The following PRKAR1A variants were observed in gnomAD, a reference collection of about 807,000 sequenced individuals.
PRKAR1A encodes protein kinase cAMP-dependent type I regulatory subunit alpha.
A neutral mutation model predicts 52.0 loss-of-function variants in PRKAR1A; 3 were observed. That is an observed-to-expected ratio of 0.06 (90% CI 0.03 to 0.15). PRKAR1A has a LOEUF of 0.15. PRKAR1A is among the 10% of genes least tolerant of loss of function. The pLI is 1.00. For synonymous variants in PRKAR1A, 188 were observed against 168.4 expected, an observed-to-expected ratio of 1.12 and a Z score of -0.90; for missense variants, 240 against 477.4, an observed-to-expected ratio of 0.50 and a Z score of 4.63.
the PRKAR1A span, among the ~76,000 whole-genome samples, chr17:68,439,818 A>C: frequency 1.3e-5 from 2 of 152,132 alleles, no homozygotes; most frequent in African/African-American, 4.8e-5. Context: ...CGTGATATAG[A>C]GGTCTTTCCA....
chr17:68,497,358 G>GA, the PRKAR1A span, among the ~76,000 whole-genome samples: 5 of 151,838 alleles, frequency 3.3e-5, no homozygotes, highest in Admixed American at 1.3e-4. Context: ...ACCGTTGACA[G>GA]AAAAAAAATT....
At chr17:68,452,390 C>A in the PRKAR1A span, among the ~76,000 whole-genome samples, 1 of 152,154 alleles carries the variant, frequency 6.6e-6, no homozygotes, top group Non-Finnish European at 1.5e-5. Context: ...CGTGGTGAAA[C>A]CCCGTCTCTA....
chr17:68,543,254 A>G (rs973138960), intron 11 of PRKAR1A, among the ~76,000 whole-genome samples: 6 of 151,984 alleles, frequency 3.9e-5, no homozygotes, highest in Non-Finnish European at 5.9e-5. Flanking sequence ...CTGAGCAAAT[A>G]GAGGGAGTGG....
the PRKAR1A span, chr17:68,426,170 A>T: frequency 6.2e-7 from 1 of 1,603,148 alleles, no homozygotes; most frequent in Non-Finnish European, 8.5e-7. Context: ...CCGTCCTCAG[A>T]ATAACCTGGA....
chr17:68,478,608 A>ATG, the PRKAR1A span, among the ~76,000 whole-genome samples: 25,465 of 150,956 alleles, frequency 0.17, 2,191 homozygotes, highest in South Asian at 0.21. Flanking sequence ...ATTTAGAAAT[A>ATG]TGTGTGTGTG....
the PRKAR1A span, among the ~76,000 whole-genome samples, chr17:68,493,478 A>T: frequency 6.6e-6 from 1 of 152,126 alleles, no homozygotes; most frequent in Admixed American, 6.6e-5. Context: ...ACGTGTTCTT[A>T]CTTTTTTGCA....
chr17:68,513,917 A>C (rs944819089), intron 1 of PRKAR1A, among the ~76,000 whole-genome samples: 4 of 152,246 alleles, frequency 2.6e-5, no homozygotes, highest in African/African-American at 7.2e-5. Flanking sequence ...GCTTTGAAGC[A>C]TGAAAGATCT....
intron 11 of PRKAR1A, chr17:68,541,030 C>T: frequency 6.5e-7 from 1 of 1,545,504 alleles, no homozygotes; most frequent in Non-Finnish European, 8.7e-7. Context: ...CCCACACCTC[C>T]CCCTGCCCCC....
chr17:68,428,854 C>T, the PRKAR1A span: 1 of 1,613,942 alleles, frequency 6.2e-7, no homozygotes, highest in Non-Finnish European at 8.5e-7. Flanking sequence ...AAGACACACT[C>T]TCCTCCATCC....
chr17:68,431,380 G>A, the PRKAR1A span, among the ~76,000 whole-genome samples: 2 of 152,058 alleles, frequency 1.3e-5, no homozygotes, highest in African/African-American at 4.8e-5. Flanking sequence ...ATGGAGCCCG[G>A]CACGTGGCGC....
At chr17:68,548,723 A>ATT (rs200833117) in intron 11 of PRKAR1A, among the ~76,000 whole-genome samples, 8,445 of 116,850 alleles carry the variant, frequency 0.072, 591 homozygotes, top group Non-Finnish European at 0.11. Flanking sequence ...CTATGCCTGT[A>ATT]TATTTTTTTT....
chr17:68,489,186 GTATATATATATATATA>G, the PRKAR1A span, among the ~76,000 whole-genome samples: 432 of 11,096 alleles, frequency 0.039, 33 homozygotes, highest in African/African-American at 0.12. Context: ...ATCTTGGAAA[GTATATATATATATATA>G]TATATATATA....
chr17:68,542,205 C>A (rs1216392532), intron 11 of PRKAR1A: 1 of 1,608,868 alleles, frequency 6.2e-7, no homozygotes, highest in Non-Finnish European at 8.5e-7. Flanking sequence ...AAGTGGAGGG[C>A]TCTGGAGGCA....
chr17:68,457,379 A>G, the PRKAR1A span: 2 of 1,538,744 alleles, frequency 1.3e-6, no homozygotes, highest in Non-Finnish European at 1.7e-6. Flanking sequence ...CTGAGCGCCG[A>G]CTCAACCCCG....
At chr17:68,518,568 A>T (rs958848637) in intron 2 of PRKAR1A, among the ~76,000 whole-genome samples, 7 of 152,290 alleles carry the variant, frequency 4.6e-5, no homozygotes, top group South Asian at 2.1e-4. Flanking sequence ...GCAGGGTACC[A>T]TGTCCTGAGG....
chr17:68,429,691 C>T, the PRKAR1A span, among the ~76,000 whole-genome samples: 7 of 152,208 alleles, frequency 4.6e-5, no homozygotes, highest in East Asian at 5.8e-4. Context: ...TGGGTTCAAG[C>T]GATTCTCCTG....
chr17:68,457,832 C>CA, the PRKAR1A span, among the ~76,000 whole-genome samples: 1 of 152,184 alleles, frequency 6.6e-6, no homozygotes, highest in Non-Finnish European at 1.5e-5. Flanking sequence ...GCGCGTGACG[C>CA]AAAGGCAGCA....
intron 2 of PRKAR1A, among the ~76,000 whole-genome samples, chr17:68,518,348 G>A (rs574399734): frequency 2.0e-5 from 3 of 152,298 alleles, no homozygotes; most frequent in Admixed American, 6.5e-5. Flanking sequence ...GGAGGGCCAC[G>A]CCCCTGCAGC....
chr17:68,433,390 G>T, the PRKAR1A span: 2 of 1,272,174 alleles, frequency 1.6e-6, no homozygotes, highest in Non-Finnish European at 2.3e-6. Flanking sequence ...AAAGAAAAGA[G>T]ATCATTCATG....
Sources: allele counts gnomAD v4.1 joint callset (sites outside exome capture counted in the v4.1 genomes callset), GRCh38; gene constraint gnomAD v4.1.1; transcripts MANE v1.5; gene names NCBI Gene and HGNC (gene_info 2026-07-23, HGNC 2026-07-21).